Variants in CTNND2 observed in about 807,000 individuals in gnomAD.
CTNND2 encodes the protein catenin delta 2.
In CTNND2, 22 loss-of-function variants were observed where a neutral mutation model predicts 144.4. The observed-to-expected ratio is 0.15, with a 90% CI of 0.11 to 0.22. The LOEUF (loss-of-function observed/expected upper bound fraction) is 0.22. Ranked by LOEUF, CTNND2 falls within the 10% of genes least tolerant of loss-of-function variation. CTNND2 has a pLI of 1.00. For missense variants in CTNND2, 1,353 were observed against 1,618.8 expected, an observed-to-expected ratio of 0.84 and a Z score of 2.82; for synonymous variants, 751 against 695.6, an observed-to-expected ratio of 1.08 and a Z score of -1.25.
chr5:10,980,401 T>A (rs1433850832), intron 21 of CTNND2, among the ~76,000 whole-genome samples: 4 of 152,128 alleles, frequency 2.6e-5, no homozygotes, highest in Non-Finnish European at 5.9e-5. Context: ...GGAAACGAGA[T>A]GCTGGAGAGG....
intron 15 of CTNND2, 68 bp from the exon 16 acceptor site, chr5:11,082,914 G>C: frequency 1.3e-6 from 2 of 1,550,162 alleles, no homozygotes; most frequent in South Asian, 2.4e-5. Context: ...TAGTACATTT[G>C]CGTTTTCAGG....
At chr5:11,470,132 T>A (rs777389054) in intron 3 of CTNND2, among the ~76,000 whole-genome samples, 68 of 152,272 alleles carry the variant, frequency 4.5e-4, no homozygotes, top group Non-Finnish European at 7.8e-4. Context: ...AGTTTTAGAT[T>A]TATAGAAAAA....
chr5:11,812,696 T>A (rs1792405341), intron 1 of CTNND2, among the ~76,000 whole-genome samples: 1 of 152,180 alleles, frequency 6.6e-6, no homozygotes, highest in South Asian at 2.1e-4. Flanking sequence ...AAAGGTTCCT[T>A]TCTCCAAACA....
intron 1 of CTNND2, 129 bp from the exon 2 acceptor site, chr5:11,732,401 T>A (rs935783963): frequency 1.3e-6 from 1 of 791,028 alleles, no homozygotes; most frequent in Non-Finnish European, 2.0e-6. Context: ...GACCAAGACA[T>A]AATTATAGAA....
intron 9 of CTNND2, among the ~76,000 whole-genome samples, chr5:11,264,303 G>A (rs932213163): frequency 6.6e-6 from 1 of 152,198 alleles, no homozygotes; most frequent in African/African-American, 2.4e-5. Context: ...ATGTAAGTAA[G>A]TTATGAGGTC....
At chr5:11,388,478 G>A (rs1318929533) in intron 6 of CTNND2, among the ~76,000 whole-genome samples, 2 of 152,196 alleles carry the variant, frequency 1.3e-5, no homozygotes, top group Non-Finnish European at 2.9e-5. Context: ...CACCTTCTTG[G>A]ACAGCACAGT....
Position 11,211,899 on chromosome 5 carries a change from A to C in CTNND2, c.1762-12238T>G, listed in dbSNP as rs1388524957. The stretch of plus-strand genomic sequence containing the variant: ...GAATTTATGATAGAAATGTCGAGAA[A>C]ATTTTCTTACATATTTATTTTAATT... On this transcript the variant is annotated intron_variant, in intron 10 of 21. Transcript: ENST00000304623. Among the ~76,000 whole-genome samples the C allele has an allele frequency of 3.9e-5, 6 of 152,258 alleles. No individual in the cohort carries two copies. In the South Asian group the frequency reaches 8.3e-4, roughly 21 times the overall value.
intron 3 of CTNND2, among the ~76,000 whole-genome samples, chr5:11,550,271 G>A (rs960303302): frequency 6.6e-6 from 1 of 152,142 alleles, no homozygotes; most frequent in Non-Finnish European, 1.5e-5. Flanking sequence ...TCCAAACTCC[G>A]TTGTCTTCAC....
chr5:11,229,952 C>G (rs1348737649), intron 10 of CTNND2, among the ~76,000 whole-genome samples: 1 of 151,720 alleles, frequency 6.6e-6, no homozygotes, highest in Non-Finnish European at 1.5e-5. Flanking sequence ...AACTGCAATC[C>G]TCACTACCCA....
intron 3 of CTNND2, among the ~76,000 whole-genome samples, chr5:11,529,666 G>T (rs988233281): frequency 7.9e-5 from 12 of 152,146 alleles, no homozygotes; most frequent in African/African-American, 2.9e-4. Flanking sequence ...TATGAATGGG[G>T]TCTCCAGAGC....
chr5:11,146,702 A>ATC (rs1447905347), intron 12 of CTNND2, among the ~76,000 whole-genome samples: 77 of 152,198 alleles, frequency 5.1e-4, no homozygotes, highest in African/African-American at 1.8e-3. Flanking sequence ...CATAAAAACC[A>ATC]AGGGCAACAT....
chr5:11,700,594 G>A (rs1403678372), intron 2 of CTNND2, among the ~76,000 whole-genome samples: 4 of 152,104 alleles, frequency 2.6e-5, no homozygotes, highest in Admixed American at 1.3e-4. Context: ...TTTCATCGGC[G>A]CTGTGTGGTT....
chr5:10,981,833 T>G lies in CTNND2; in HGVS notation c.3357A>C (p.Gly1119=). ...AAGAATTCCTATACAAAGTTGAAAT[T>G]CCAGTGTTTTGAGCTAAAAGCAAAA... ...RKDAMTAQNT[G]ISTLYRNSYG... is the part of the protein sequence containing the mutation. The change falls in exon 21 of 22, where the codon GGA becomes GGC. Residue 1119 remains glycine (G), a synonymous_variant. Coordinates refer to ENST00000304623, the MANE Select transcript of CTNND2 (RefSeq NM_001332.4). The G allele has an allele frequency of 6.2e-7, 1 of 1,613,782 alleles. No individual in the cohort carries two copies.
chr5:11,425,739 G>A (rs991958590), intron 3 of CTNND2, among the ~76,000 whole-genome samples: 3 of 152,112 alleles, frequency 2.0e-5, no homozygotes, highest in African/African-American at 7.2e-5. Context: ...GCCTTGGTTG[G>A]GGATTTTTAT....
At chr5:11,459,867 C>A (rs1231317042) in intron 3 of CTNND2, among the ~76,000 whole-genome samples, 1 of 152,156 alleles carries the variant, frequency 6.6e-6, no homozygotes, top group Non-Finnish European at 1.5e-5. Context: ...CAAATGAATT[C>A]AGAACCTACA....
At chr5:11,173,425 C>T (rs1008762316) in intron 11 of CTNND2, among the ~76,000 whole-genome samples, 1 of 152,250 alleles carries the variant, frequency 6.6e-6, no homozygotes, top group African/African-American at 2.4e-5. Flanking sequence ...GTCGACTCCT[C>T]GGAAGAGTCC....
chr5:11,514,202 GAA>G (rs5865952), intron 3 of CTNND2, among the ~76,000 whole-genome samples: 5 of 148,732 alleles, frequency 3.4e-5, no homozygotes, highest in Admixed American at 6.7e-5. Context: ...AAAAGAAAAA[GAA>G]AAAAAAAATG....
At chr5:11,633,647 G>A (rs1781524799) in intron 2 of CTNND2, among the ~76,000 whole-genome samples, 1 of 151,826 alleles carries the variant, frequency 6.6e-6, no homozygotes, top group Non-Finnish European at 1.5e-5. Flanking sequence ...ATAGTGGTGG[G>A]TGCCTGTAAT....
chr5:11,286,038 AT>A (rs1747713604), intron 9 of CTNND2, among the ~76,000 whole-genome samples: 1 of 152,118 alleles, frequency 6.6e-6, no homozygotes, highest in African/African-American at 2.4e-5. Context: ...TTTTCCAGCA[AT>A]TGATATCCAC....
Sources: gnomAD v4.1 joint callset for allele counts (sites outside exome capture counted in the v4.1 genomes callset) on GRCh38, gnomAD v4.1.1 for gene constraint, MANE v1.5 for transcripts, NCBI Gene and HGNC (gene_info 2026-07-23, HGNC 2026-07-21) for gene names.